The following SGCD variants were observed in gnomAD, a reference collection of about 807,000 sequenced individuals.
The protein encoded by SGCD is sarcoglycan delta, also known as delta-sarcoglycan.
In SGCD, 18 loss-of-function variants were observed where a neutral mutation model predicts 36.6. That is an observed-to-expected ratio of 0.49 (90% CI 0.34 to 0.73). The LOEUF (loss-of-function observed/expected upper bound fraction) is 0.73, where lower values mean the gene tolerates loss of function less well. SGCD is among the 30% of genes least tolerant of loss of function. SGCD has a pLI of 0.01. For synonymous variants in SGCD, 133 were observed against 130.6 expected, an observed-to-expected ratio of 1.02 and a Z score of -0.12; for missense variants, 387 against 346.7, an observed-to-expected ratio of 1.12 and a Z score of -0.92.
chr5:156,094,988 A>G (rs1054673126), intron 1 of SGCD, among the ~76,000 whole-genome samples: 1 of 151,952 alleles, frequency 6.6e-6, no homozygotes, highest in Non-Finnish European at 1.5e-5. Flanking sequence ...GTGAGACTCC[A>G]TCTCAAAAAA....
chr5:156,076,206 A>G (rs1028122151), intron 1 of SGCD, among the ~76,000 whole-genome samples: 20 of 151,374 alleles, frequency 1.3e-4, no homozygotes, highest in African/African-American at 4.6e-4. Flanking sequence ...CAAAATTCAC[A>G]GGTTTCTTTT....
intron 7 of SGCD, among the ~76,000 whole-genome samples, chr5:156,749,534 A>G (rs1757071446): frequency 2.0e-5 from 3 of 152,182 alleles, no homozygotes; most frequent in Admixed American, 2.0e-4. Context: ...AGACGTGAAA[A>G]AAATATGTGG....
chr5:156,487,716 A>G (rs1253080506), intron 3 of SGCD, among the ~76,000 whole-genome samples: 1 of 136,728 alleles, frequency 7.3e-6, no homozygotes, highest in Non-Finnish European at 1.5e-5. Context: ...TGAACCCAGG[A>G]GGTGGAAGTT....
At chr5:156,265,607 C>T (rs775135535) in intron 3 of SGCD, among the ~76,000 whole-genome samples, 2 of 150,990 alleles carry the variant, frequency 1.3e-5, no homozygotes, top group African/African-American at 2.4e-5. Flanking sequence ...TTCATTAAGA[C>T]AATTTATTAT....
chr5:156,386,438 A>G (rs1490801016), intron 3 of SGCD, among the ~76,000 whole-genome samples: 2 of 152,250 alleles, frequency 1.3e-5, no homozygotes, highest in Non-Finnish European at 2.9e-5. Flanking sequence ...GCCAAGGGTT[A>G]TAATCATCGT....
At chr5:156,081,366 A>G (rs1020951368) in intron 1 of SGCD, among the ~76,000 whole-genome samples, 1 of 152,084 alleles carries the variant, frequency 6.6e-6, no homozygotes, top group Admixed American at 6.5e-5. Context: ...TCAACATGAG[A>G]TTTGGTGTAG....
intron 4 of SGCD, among the ~76,000 whole-genome samples, chr5:156,534,252 G>GC (rs1444816496): frequency 6.7e-6 from 1 of 150,362 alleles, no homozygotes; most frequent in Non-Finnish European, 1.5e-5. Context: ...TGCCAGACAC[G>GC]CCCCCACATT....
intron 7 of SGCD, among the ~76,000 whole-genome samples, chr5:156,654,229 T>C (rs904097042): frequency 6.6e-6 from 1 of 151,962 alleles, no homozygotes; most frequent in Non-Finnish European, 1.5e-5. Context: ...ATGAGGAAAA[T>C]GTAGCACTTG....
chr5:155,868,911 A>G (rs568577607), upstream of SGCD, among the ~76,000 whole-genome samples: 96 of 152,306 alleles, frequency 6.3e-4, no homozygotes, highest in African/African-American at 1.9e-3. Flanking sequence ...ATAGCAAGAA[A>G]TGTGAACAGT....
At chr5:156,198,502 A>T (rs1764072688) in intron 3 of SGCD, among the ~76,000 whole-genome samples, 1 of 152,142 alleles carries the variant, frequency 6.6e-6, no homozygotes, top group Non-Finnish European at 1.5e-5. Context: ...TCTGAGGCAT[A>T]GAGTGGTTGG....
At chr5:156,074,878 A>T (rs1281879820) in intron 1 of SGCD, among the ~76,000 whole-genome samples, 1 of 152,182 alleles carries the variant, frequency 6.6e-6, no homozygotes, top group Non-Finnish European at 1.5e-5. Context: ...CATATTCATG[A>T]AGAAATAGGT....
At chr5:156,747,720 T>C (rs1359828144) in intron 7 of SGCD, among the ~76,000 whole-genome samples, 1 of 152,148 alleles carries the variant, frequency 6.6e-6, no homozygotes, top group Non-Finnish European at 1.5e-5. Flanking sequence ...TTTTGCCATA[T>C]TCTACTTGTG....
chr5:156,638,092 T>A (rs1212592457), intron 6 of SGCD, among the ~76,000 whole-genome samples: 1 of 152,162 alleles, frequency 6.6e-6, no homozygotes, highest in Non-Finnish European at 1.5e-5. Context: ...TGTTCTACTT[T>A]TTCAAAGACC....
intron 4 of SGCD, among the ~76,000 whole-genome samples, chr5:156,531,844 C>T (rs1757904216): frequency 6.6e-6 from 1 of 152,128 alleles, no homozygotes; most frequent in Non-Finnish European, 1.5e-5. Context: ...CACGGTGGCT[C>T]ATGCCTGTAA....
chr5:155,731,176 CAG>C, the SGCD span, among the ~76,000 whole-genome samples: 2 of 151,314 alleles, frequency 1.3e-5, no homozygotes, highest in African/African-American at 4.9e-5. Context: ...CAGAGACACA[CAG>C]AGATAGAAAG....
chr5:155,997,079 T>G (rs1318482408), intron 1 of SGCD, among the ~76,000 whole-genome samples: 1 of 152,210 alleles, frequency 6.6e-6, no homozygotes, highest in Non-Finnish European at 1.5e-5. Context: ...TTATCTTTCT[T>G]GTTGAGAAAT....
intron 3 of SGCD, among the ~76,000 whole-genome samples, chr5:156,479,525 G>A (rs1038230623): frequency 6.6e-6 from 1 of 152,112 alleles, no homozygotes; most frequent in Non-Finnish European, 1.5e-5. Flanking sequence ...AACCTCTGTA[G>A]GCATTTGAGT....
intron 6 of SGCD, among the ~76,000 whole-genome samples, chr5:156,620,627 G>A (rs918398195): frequency 1.3e-5 from 2 of 152,120 alleles, no homozygotes; most frequent in African/African-American, 4.8e-5. Context: ...GTTTGACTTC[G>A]CAAGTGCAAG....
chr5:155,763,374 T>C, the SGCD span, among the ~76,000 whole-genome samples: 2 of 152,300 alleles, frequency 1.3e-5, no homozygotes, highest in Non-Finnish European at 2.9e-5. Flanking sequence ...TCTAAAATAA[T>C]ATTATAACAG....
Sources: gnomAD v4.1 joint callset for allele counts (sites outside exome capture counted in the v4.1 genomes callset) on GRCh38, gnomAD v4.1.1 for gene constraint, MANE v1.5 for transcripts, NCBI Gene and HGNC (gene_info 2026-07-23, HGNC 2026-07-21) for gene names.